ATP8A2: variants seen among roughly 807,000 people sequenced by gnomAD.
ATP8A2 encodes ATPase phospholipid transporting 8A2, also known as phospholipid-transporting ATPase IB.
ATP8A2 carries 100 observed loss-of-function variants against 165.6 expected under a neutral mutation model. That is an observed-to-expected ratio of 0.60 (90% CI 0.51 to 0.71). The LOEUF (loss-of-function observed/expected upper bound fraction) is 0.71. ATP8A2 is among the 30% of genes least tolerant of loss of function. ATP8A2 has a pLI of 0.00. For missense variants in ATP8A2, 1,227 were observed against 1,479.5 expected (o/e 0.83, Z 2.80); for synonymous variants, 543 against 548.8 (o/e 0.99, Z 0.15).
At chr13:25,605,814 C>T (rs985667844) in intron 24 of ATP8A2, among the ~76,000 whole-genome samples, 21 of 152,120 alleles carry the variant, frequency 1.4e-4, no homozygotes, top group African/African-American at 4.3e-4. Flanking sequence ...TTGTTTCTAA[C>T]CTTTAATGTC....
chr13:25,744,195 A>G (rs2043978137), intron 25 of ATP8A2, among the ~76,000 whole-genome samples: 1 of 152,146 alleles, frequency 6.6e-6, no homozygotes, highest in Non-Finnish European at 1.5e-5. Flanking sequence ...TTATAAACCA[A>G]TTTGAGTGCA....
intron 27 of ATP8A2, among the ~76,000 whole-genome samples, chr13:25,779,728 A>G (rs2044829235): frequency 6.6e-6 from 1 of 152,234 alleles, no homozygotes; most frequent in South Asian, 2.1e-4. Flanking sequence ...TTATGTAACT[A>G]TCTCTCCATG....
intron 25 of ATP8A2, among the ~76,000 whole-genome samples, chr13:25,761,868 G>C (rs930019472): frequency 5.9e-5 from 9 of 151,830 alleles, no homozygotes; most frequent in African/African-American, 1.7e-4. Flanking sequence ...GAAGCATTAT[G>C]ATCTAAAGAG....
chr13:25,441,572 G>A (rs2034932334), intron 1 of ATP8A2, among the ~76,000 whole-genome samples: 2 of 152,046 alleles, frequency 1.3e-5, no homozygotes, highest in African/African-American at 4.8e-5. Context: ...TTAAGGCTCA[G>A]GTTTTTGCAA....
chr13:25,643,931 C>CT (rs1360984389), intron 24 of ATP8A2, among the ~76,000 whole-genome samples: 2 of 151,650 alleles, frequency 1.3e-5, no homozygotes, highest in Non-Finnish European at 2.9e-5. Flanking sequence ...CCATTTCTTT[C>CT]TTTAACATTT....
intron 1 of ATP8A2, among the ~76,000 whole-genome samples, chr13:25,395,054 C>A (rs1365592374): frequency 6.6e-6 from 1 of 152,168 alleles, no homozygotes; most frequent in Non-Finnish European, 1.5e-5. Flanking sequence ...GGGTCTCTCT[C>A]TATATACATA....
At chr13:25,984,518 C>T (rs1238955200) in intron 35 of ATP8A2, among the ~76,000 whole-genome samples, 1 of 151,348 alleles carries the variant, frequency 6.6e-6, no homozygotes, top group South Asian at 2.1e-4. Context: ...GCACGAGAAT[C>T]GCTTGATCCC....
At chr13:25,580,896 T>G (rs992955688) in intron 22 of ATP8A2, among the ~76,000 whole-genome samples, 1 of 152,206 alleles carries the variant, frequency 6.6e-6, no homozygotes, top group African/African-American at 2.4e-5. Flanking sequence ...CCTTTGTTGG[T>G]TTAAAAAAAT....
intron 2 of ATP8A2, among the ~76,000 whole-genome samples, chr13:25,486,893 G>T (rs909821285): frequency 9.2e-5 from 14 of 152,172 alleles, no homozygotes; most frequent in African/African-American, 2.9e-4. Context: ...TTGAGCCTGG[G>T]GGGTGGAGGT....
chr13:25,794,730 C>A (rs968841455), intron 27 of ATP8A2, among the ~76,000 whole-genome samples: 2 of 151,598 alleles, frequency 1.3e-5, no homozygotes, highest in African/African-American at 2.4e-5. Context: ...CCAGTAATTG[C>A]TTCTTGGTAT....
chr13:25,564,036 G>A lies in ATP8A2; in HGVS notation c.1473+5G>A. ...AAGAACATTGAGGATCGCCATGTAA[G>A]TGCTCTGTTTTACTTCGAAGACAGC... On this transcript the variant is annotated splice_donor_5th_base_variant and intron_variant, in intron 16 of 36. Transcript: ENST00000381655. 2 of 1,606,928 alleles carry A rather than the reference G, an allele frequency of 1.2e-6. No homozygotes were observed. The highest frequency in any genetic ancestry group is 1.7e-4 in the Middle Eastern group (1 of 6,050).
chr13:25,965,536 G>C lies in ATP8A2; in HGVS notation c.3273-3039G>C, dbSNP rs151303978. 9.2e-5 allele frequency among the ~76,000 whole-genome samples: 14 copies of C among 152,302 alleles called. No homozygotes were observed. In the East Asian group the frequency reaches 2.5e-3, roughly 27 times the overall value. ...TGATTATATGTGATACCTGGCTAAT[G>C]AGTAATTTTGTTAGATGCATGAAGT... On this transcript the variant is annotated intron_variant, in intron 34 of 36. Transcript: ENST00000381655.
chr13:25,576,164 A>T (rs1286945103), intron 19 of ATP8A2, among the ~76,000 whole-genome samples: 1 of 152,110 alleles, frequency 6.6e-6, no homozygotes, highest in East Asian at 1.9e-4. Context: ...GAGAATGCAA[A>T]TCCAGGTCAG....
intron 27 of ATP8A2, among the ~76,000 whole-genome samples, chr13:25,780,435 A>G (rs989821145): frequency 3.3e-5 from 5 of 152,182 alleles, no homozygotes; most frequent in Non-Finnish European, 7.3e-5. Context: ...AATGAGATGC[A>G]TATTTAGCAG....
intron 7 of ATP8A2, 36 bp from the exon 8 acceptor site, chr13:25,540,283 C>G: frequency 6.7e-7 from 1 of 1,501,616 alleles, no homozygotes; most frequent in Non-Finnish European, 9.3e-7. Context: ...TGGAAAGGAC[C>G]TTATGAAACT....
chr13:25,862,766 T>A (rs980668417), intron 33 of ATP8A2, among the ~76,000 whole-genome samples: 2 of 152,186 alleles, frequency 1.3e-5, no homozygotes, highest in African/African-American at 4.8e-5. Context: ...ATCCATTGAT[T>A]ATGTTGATTA....
rs182077362 is a variant in ATP8A2 at position 25,919,440 on chromosome 13, C to T, written c.3184-42135C>T. 1.7e-3 allele frequency among the ~76,000 whole-genome samples: 256 copies of T among 152,206 alleles called. 2 individuals carry two copies. The highest frequency in any genetic ancestry group is 1.5e-3 in the Non-Finnish European group (104 of 67,984). ...GATTTGGGTTTTGCATTTTTGGTTT[C>T]GGGATGTGAAAGAATGTATATCTTT... On this transcript the variant is annotated intron_variant, in intron 33 of 36. Transcript: ENST00000381655.
chr13:25,839,671 C>G, intron 30 of ATP8A2, 47 bp downstream of exon 30: 1 of 1,481,510 alleles, frequency 6.7e-7, no homozygotes, highest in Non-Finnish European at 9.4e-7. Context: ...TTTGCAGCCG[C>G]TCTGCTGCCT....
chr13:25,965,348 C>T (rs140897543), intron 34 of ATP8A2, among the ~76,000 whole-genome samples: 41 of 152,272 alleles, frequency 2.7e-4, no homozygotes, highest in African/African-American at 9.4e-4. Flanking sequence ...TGAGGTAATT[C>T]AATCACTTTT....
Sources: allele counts gnomAD v4.1 joint callset (sites outside exome capture counted in the v4.1 genomes callset), GRCh38; gene constraint gnomAD v4.1.1; transcripts MANE v1.5; gene names NCBI Gene and HGNC (gene_info 2026-07-23, HGNC 2026-07-21).